The following MAPK8 variants were observed in gnomAD, a reference collection of about 807,000 sequenced individuals.
MAPK8 encodes mitogen-activated protein kinase 8.
MAPK8 carries 13 observed loss-of-function variants against 52.9 expected under a neutral mutation model. The observed-to-expected ratio is 0.25, with a 90% CI of 0.16 to 0.39. The LOEUF (loss-of-function observed/expected upper bound fraction) is 0.39, where lower values mean the gene tolerates loss of function less well. Among genes scored for constraint, MAPK8 ranks in the 10% least tolerant of loss-of-function variants. The pLI is 1.00. For missense variants in MAPK8, 300 were observed against 519.2 expected, an observed-to-expected ratio of 0.58 and a Z score of 4.10; for synonymous variants, 191 against 169.8, an observed-to-expected ratio of 1.12 and a Z score of -0.97.
intron 1 of MAPK8, among the ~76,000 whole-genome samples, chr10:48,366,914 T>C (rs1287912453): frequency 6.6e-6 from 1 of 152,188 alleles, no homozygotes; most frequent in Non-Finnish European, 1.5e-5. Context: ...TCCTCCCTGC[T>C]ACATAATCAC....
chr10:48,397,300 T>C (rs937943271), intron 1 of MAPK8, among the ~76,000 whole-genome samples: 31 of 151,790 alleles, frequency 2.0e-4, no homozygotes, highest in African/African-American at 6.8e-4. Flanking sequence ...AGATGTGCAC[T>C]ACTACTGTGG....
chr10:48,429,568 G>T (rs2044005636), intron 10 of MAPK8, among the ~76,000 whole-genome samples: 1 of 152,108 alleles, frequency 6.6e-6, no homozygotes, highest in African/African-American at 2.4e-5. Flanking sequence ...TGGTTCTTCT[G>T]CCTTAATCCC....
intron 1 of MAPK8, among the ~76,000 whole-genome samples, chr10:48,339,866 A>G (rs986624997): frequency 6.6e-6 from 1 of 152,220 alleles, no homozygotes; most frequent in African/African-American, 2.4e-5. Flanking sequence ...ATCTCATAGC[A>G]GTTAGATGGC....
At chr10:48,417,067 C>A (rs1806589110) in intron 5 of MAPK8, among the ~76,000 whole-genome samples, 1 of 152,082 alleles carries the variant, frequency 6.6e-6, no homozygotes, top group East Asian at 1.9e-4. Context: ...GGCCTCTACC[C>A]ACTAGATGCC....
At chr10:48,434,853 C>G in intron 11 of MAPK8, 31 bp from the exon 12 acceptor site, 1 of 1,580,316 alleles carries the variant, frequency 6.3e-7, no homozygotes, top group Non-Finnish European at 8.6e-7. Flanking sequence ...CTGTCTGCAA[C>G]TGATTTGCTG....
intron 1 of MAPK8, among the ~76,000 whole-genome samples, chr10:48,308,620 C>T (rs917206350): frequency 1.1e-4 from 16 of 152,140 alleles, no homozygotes; most frequent in African/African-American, 3.9e-4. Context: ...AATCCACACA[C>T]AGGCACTCAT....
intron 1 of MAPK8, among the ~76,000 whole-genome samples, chr10:48,325,149 T>C (rs1371470999): frequency 6.6e-6 from 1 of 152,066 alleles, no homozygotes; most frequent in Non-Finnish European, 1.5e-5. Context: ...CTAATTTTCA[T>C]ATTTTTAGTA....
At chr10:48,400,343 G>A (rs1053345127) in intron 1 of MAPK8, among the ~76,000 whole-genome samples, 6 of 151,614 alleles carry the variant, frequency 4.0e-5, no homozygotes, top group African/African-American at 1.5e-4. Flanking sequence ...ATTTGTCCTC[G>A]GTTTTACAGC....
At chr10:48,405,123 A>C in intron 3 of MAPK8, 142 bp downstream of exon 3, 1 of 267,294 alleles carries the variant, frequency 3.7e-6, no homozygotes, top group Admixed American at 5.2e-5. Flanking sequence ...ATATATATAT[A>C]TATATCTACA....
intron 1 of MAPK8, among the ~76,000 whole-genome samples, chr10:48,334,309 C>A (rs896582129): frequency 6.6e-5 from 10 of 152,178 alleles, no homozygotes; most frequent in African/African-American, 1.9e-4. Context: ...GTGTACTCAA[C>A]TCCCCAACTG....
chr10:48,313,057 T>A (rs946629688), intron 1 of MAPK8, among the ~76,000 whole-genome samples: 2 of 152,232 alleles, frequency 1.3e-5, no homozygotes, highest in African/African-American at 4.8e-5. Flanking sequence ...GGAAAGATAA[T>A]GTAGCACATC....
intron 1 of MAPK8, among the ~76,000 whole-genome samples, chr10:48,387,020 A>G (rs971974203): frequency 1.3e-5 from 2 of 152,212 alleles, no homozygotes; most frequent in Non-Finnish European, 2.9e-5. Flanking sequence ...TTGTTGAGAC[A>G]GTTTCTGTCT....
intron 1 of MAPK8, among the ~76,000 whole-genome samples, chr10:48,350,233 A>G (rs1255284967): frequency 1.3e-5 from 2 of 152,208 alleles, no homozygotes; most frequent in Non-Finnish European, 2.9e-5. Context: ...ACTCCAAACA[A>G]TAGAAAAAGA....
intron 7 of MAPK8, among the ~76,000 whole-genome samples, chr10:48,425,014 A>G (rs146046905): frequency 2.0e-5 from 3 of 152,144 alleles, no homozygotes; most frequent in South Asian, 2.1e-4. Context: ...CTCATTACTC[A>G]CATAACATAC....
intron 1 of MAPK8, among the ~76,000 whole-genome samples, chr10:48,367,641 A>G (rs1339438706): frequency 6.6e-6 from 1 of 152,140 alleles, no homozygotes; most frequent in Non-Finnish European, 1.5e-5. Context: ...GTTGCTTTAC[A>G]TGTTTTATCT....
chr10:48,437,110 T>G lies in MAPK8; in HGVS notation c.*2081T>G, dbSNP rs566261108. On this transcript the variant is annotated 3_prime_UTR_variant, in exon 12 of 12. Coordinates refer to ENST00000374189, the MANE Select transcript of MAPK8 (RefSeq NM_001323329.2). ...CCAGGTGTGTGTCTGTATCATTTAT[T>G]GTAAATGCCAGCTGCCACTTGCCAA... The G allele has an allele frequency of 6.6e-6, 1 of 152,358 alleles. No homozygotes were observed. Among genetic ancestry groups the G allele is most frequent in the East Asian group, 1.9e-4 (1 of 5,190 alleles). The allele number at this position is 152,358 out of a possible 1,614,324, so 9.4% of individuals were successfully genotyped here. A position where few individuals can be genotyped will look rare whatever the true frequency, so the allele number is the denominator to read the frequency against.
At chr10:48,332,172 C>T (rs1225056607) in intron 1 of MAPK8, among the ~76,000 whole-genome samples, 1 of 152,138 alleles carries the variant, frequency 6.6e-6, no homozygotes, top group Admixed American at 6.5e-5. Context: ...AGGCTTCCAC[C>T]CAGCTGGAAA....
chr10:48,404,373 G>A (rs1026784709), intron 2 of MAPK8, among the ~76,000 whole-genome samples: 1 of 151,426 alleles, frequency 6.6e-6, no homozygotes, highest in Non-Finnish European at 1.5e-5. Context: ...GGCCAGGATG[G>A]TCTCGATCTC....
chr10:48,417,278 G>A (rs1197840944), intron 5 of MAPK8, among the ~76,000 whole-genome samples: 2 of 152,156 alleles, frequency 1.3e-5, no homozygotes. Flanking sequence ...TCCTTTCATA[G>A]TATCTTTTTT....
Sources: allele counts gnomAD v4.1 joint callset (sites outside exome capture counted in the v4.1 genomes callset), GRCh38; gene constraint gnomAD v4.1.1; transcripts MANE v1.5; gene names NCBI Gene and HGNC (gene_info 2026-07-23, HGNC 2026-07-21).